The following SH3BP5 variants were observed in gnomAD, a reference collection of about 807,000 sequenced individuals.
SH3BP5 encodes the protein SH3 domain-binding protein 5.
A neutral mutation model predicts 43.3 loss-of-function variants in SH3BP5; 22 were observed. That is an observed-to-expected ratio of 0.51 (90% CI 0.36 to 0.73). SH3BP5 has a LOEUF of 0.73. Among genes scored for constraint, SH3BP5 ranks in the 30% least tolerant of loss-of-function variants. The pLI, the probability that SH3BP5 is intolerant of heterozygous loss-of-function variation, is 0.00. For synonymous variants in SH3BP5, 255 were observed against 225.8 expected (o/e 1.13, Z -1.16); for missense variants, 529 against 586.9 (o/e 0.90, Z 1.02).
intron 4 of SH3BP5, among the ~76,000 whole-genome samples, chr3:15,265,512 T>TCTCACTCA (rs1318765546): frequency 1.0e-4 from 11 of 107,988 alleles, no homozygotes; most frequent in Admixed American, 4.0e-4. Flanking sequence ...CGAGACTCCG[T>TCTCACTCA]CACACACACA....
chr3:15,332,201 T>C, intron 1 of SH3BP5, 70 bp downstream of exon 1: 7 of 1,542,124 alleles, frequency 4.5e-6, no homozygotes, highest in Middle Eastern at 1.7e-4. Flanking sequence ...GAAGTGGCTG[T>C]ACGCGTAGAC....
chr3:15,272,715 T>C (rs56261672), intron 3 of SH3BP5, among the ~76,000 whole-genome samples: 5,987 of 146,134 alleles, frequency 0.041, 634 homozygotes, highest in African/African-American at 0.14. Context: ...ACAGAGTGCC[T>C]GTAGGAGATT....
intron 2 of SH3BP5, among the ~76,000 whole-genome samples, chr3:15,310,151 C>T (rs529625629): frequency 6.6e-6 from 1 of 152,280 alleles, no homozygotes; most frequent in African/African-American, 2.4e-5. Context: ...TGAGCAGGGG[C>T]GATAGACATG....
intron 3 of SH3BP5, among the ~76,000 whole-genome samples, chr3:15,292,796 C>T (rs769987533): frequency 2.6e-5 from 4 of 151,656 alleles, no homozygotes; most frequent in South Asian, 2.1e-4. Flanking sequence ...TGTGGTGAGC[C>T]GAGATCACAC....
At chr3:15,322,876 T>G (rs979450173) in intron 2 of SH3BP5, among the ~76,000 whole-genome samples, 30 of 152,134 alleles carry the variant, frequency 2.0e-4, no homozygotes, top group African/African-American at 7.2e-4. Context: ...GCGCAGTAGC[T>G]CACGCCTGTA....
upstream of SH3BP5, among the ~76,000 whole-genome samples, chr3:15,334,956 A>AAT (rs201720436): frequency 0.021 from 3,132 of 151,132 alleles, 103 homozygotes; most frequent in African/African-American, 0.07. Context: ...TCTCAAAATA[A>AAT]ATATATATAT....
intron 3 of SH3BP5, among the ~76,000 whole-genome samples, chr3:15,299,671 T>C (rs1371912355): frequency 2.0e-5 from 3 of 151,980 alleles, no homozygotes; most frequent in African/African-American, 7.3e-5. Context: ...TTTAAATTTT[T>C]TTTATTTCAT....
intron 2 of SH3BP5, among the ~76,000 whole-genome samples, chr3:15,319,959 C>T (rs1317004365): frequency 2.0e-5 from 3 of 152,166 alleles, no homozygotes; most frequent in African/African-American, 7.2e-5. Context: ...GCTATTACGG[C>T]TTGGGATAAT....
intron 2 of SH3BP5, among the ~76,000 whole-genome samples, chr3:15,309,318 G>T (rs1026146957): frequency 3.9e-5 from 6 of 152,152 alleles, no homozygotes; most frequent in Non-Finnish European, 5.9e-5. Flanking sequence ...GTTTTTGGGG[G>T]TTTTTTGGGT....
chr3:15,313,347 G>A (rs1355290094), intron 2 of SH3BP5, among the ~76,000 whole-genome samples: 1 of 152,170 alleles, frequency 6.6e-6, no homozygotes, highest in Non-Finnish European at 1.5e-5. Flanking sequence ...CAAAAATGAT[G>A]GCGGCAGCAG....
chr3:15,264,029 CACAGAGGAAGGTT>C (rs1696547277), intron 4 of SH3BP5, among the ~76,000 whole-genome samples: 1 of 152,128 alleles, frequency 6.6e-6, no homozygotes, highest in African/African-American at 2.4e-5. Context: ...AAAAGAAGGC[CACAGAGGAAGGTT>C]GCCAATGTTC....
At chr3:15,312,108 A>G (rs1698074502) in intron 2 of SH3BP5, among the ~76,000 whole-genome samples, 1 of 152,204 alleles carries the variant, frequency 6.6e-6, no homozygotes, top group South Asian at 2.1e-4. Context: ...AGCCATTTTC[A>G]TTAATAAAGA....
At chr3:15,301,175 C>T (rs377332647) in intron 3 of SH3BP5, among the ~76,000 whole-genome samples, 10 of 152,218 alleles carry the variant, frequency 6.6e-5, no homozygotes, top group East Asian at 1.9e-4. Context: ...AACTGCTAAA[C>T]GGGATTTGAA....
Position 15,262,246 on chromosome 3 carries a change from T to C in SH3BP5, c.539A>G (p.His180Arg), listed in dbSNP as rs1353079724. Residue 180 changes from histidine to arginine, a missense_variant, in exon 5 of 9, where the codon CAT becomes CGT. Physicochemically the swap from His to Arg is conservative, Grantham distance 29. Transcript: ENST00000383791. ...EQTKTRSELV[H>R]KETAARYNAA... ...ATTGTACCTGGCTGCCGTCTCCTTA[T>C]GCACCAGCTCGCTCCTGGTCTTGGT... is the stretch of plus-strand genomic sequence containing the variant. 4 of 1,614,208 alleles carry C rather than the reference T, an allele frequency of 2.5e-6. No individual in the cohort carries two copies. The highest frequency in any genetic ancestry group is 3.4e-6 in the Non-Finnish European group (4 of 1,180,022).
At chr3:15,294,685 G>T (rs550349431) in intron 3 of SH3BP5, among the ~76,000 whole-genome samples, 2 of 152,212 alleles carry the variant, frequency 1.3e-5, no homozygotes, top group African/African-American at 4.8e-5. Flanking sequence ...AGTGTGTGTG[G>T]CACCTAATAC....
chr3:15,301,681 CAGGACATCGCCAAACAGA>C (rs1241044818), intron 3 of SH3BP5, among the ~76,000 whole-genome samples: 2 of 151,944 alleles, frequency 1.3e-5, no homozygotes, highest in African/African-American at 4.8e-5. Context: ...ATGAAAATAC[CAGGACATCGCCAAACAGA>C]GGGACACCAC....
intron 2 of SH3BP5, among the ~76,000 whole-genome samples, chr3:15,308,740 T>C (rs1241196518): frequency 6.6e-6 from 1 of 152,184 alleles, no homozygotes. Context: ...CTGGTGCTAG[T>C]TCATCACTGA....
At chr3:15,274,317 A>T (rs4036837) in intron 3 of SH3BP5, among the ~76,000 whole-genome samples, 1 of 152,000 alleles carries the variant, frequency 6.6e-6, no homozygotes, top group Non-Finnish European at 1.5e-5. Flanking sequence ...AAGAGGCTTA[A>T]TCGGCTCACA....
chr3:15,337,914 C>CAAAAAAA (rs5846867), intron 1 of SH3BP5, among the ~76,000 whole-genome samples: 1 of 63,276 alleles, frequency 1.6e-5, no homozygotes. Flanking sequence ...GACCCTGACT[C>CAAAAAAA]AAAAAAAAAA....
Sources: allele counts gnomAD v4.1 joint callset (sites outside exome capture counted in the v4.1 genomes callset), GRCh38; gene constraint gnomAD v4.1.1; transcripts MANE v1.5; gene names NCBI Gene and HGNC (gene_info 2026-07-23, HGNC 2026-07-21).